PRORP: variants seen among roughly 807,000 people sequenced by gnomAD.
The protein encoded by PRORP is protein only RNase P catalytic subunit, also known as mitochondrial ribonuclease P catalytic subunit.
A neutral mutation model predicts 59.4 loss-of-function variants in PRORP; 51 were observed. The observed-to-expected ratio is 0.86, with a 90% CI of 0.69 to 1.08. The LOEUF is 1.08. Among genes scored for constraint, PRORP ranks in the 50% least tolerant of loss-of-function variants. The pLI, the probability that PRORP is intolerant of heterozygous loss-of-function variation, is 0.00. For missense variants in PRORP, 646 were observed against 690.3 expected, an observed-to-expected ratio of 0.94 and a Z score of 0.72; for synonymous variants, 231 against 245.6, an observed-to-expected ratio of 0.94 and a Z score of 0.55.
chr14:35,129,647 T>G (rs897167310), intron 4 of PRORP, among the ~76,000 whole-genome samples: 3 of 151,852 alleles, frequency 2.0e-5, no homozygotes, highest in African/African-American at 7.3e-5. Context: ...GCAAATTTTT[T>G]TTTTTGTATT....
At chr14:35,199,116 C>T (rs904433343) in intron 5 of PRORP, among the ~76,000 whole-genome samples, 10 of 151,924 alleles carry the variant, frequency 6.6e-5, no homozygotes, top group Admixed American at 4.6e-4. Context: ...TGCAGTGAGC[C>T]GAAATCGTGC....
rs1566535582 is a variant in PRORP, at chr14:35,262,881, G to C, written c.1276-3846G>C. Reference sequence around the variant, plus strand: ...TTGTTCAGTATCTCAAGCCCAGAAAGATGAATTAATCCTTGAAGGTAATGA... The same window carrying C: ...TTGTTCAGTATCTCAAGCCCAGAAACATGAATTAATCCTTGAAGGTAATGA... On this transcript the variant is annotated intron_variant, in intron 5 of 7. Transcript: ENST00000534898. 4.5e-6 allele frequency: 7 copies of C among 1,552,222 alleles called. No homozygotes were observed. The Admixed American group carries it at 1.2e-4, about 26-fold the overall frequency.
chr14:35,175,881 A>T (rs1165944057), intron 4 of PRORP, among the ~76,000 whole-genome samples: 3 of 152,190 alleles, frequency 2.0e-5, no homozygotes, highest in African/African-American at 7.2e-5. Flanking sequence ...TAGGTCTAAC[A>T]TTTAAGTCTT....
intron 4 of PRORP, among the ~76,000 whole-genome samples, chr14:35,162,730 C>T (rs921971253): frequency 1.3e-5 from 2 of 151,890 alleles, no homozygotes; most frequent in African/African-American, 2.4e-5. Context: ...GAAAAGCCAA[C>T]AAACACAAAA....
At chr14:35,211,984 G>A (rs976644825) in intron 5 of PRORP, among the ~76,000 whole-genome samples, 1 of 152,120 alleles carries the variant, frequency 6.6e-6, no homozygotes, top group African/African-American at 2.4e-5. Context: ...TAAACTTATG[G>A]AATATTCCAT....
intron 5 of PRORP, among the ~76,000 whole-genome samples, chr14:35,193,913 C>T (rs1486255438): frequency 6.6e-6 from 1 of 152,124 alleles, no homozygotes; most frequent in Non-Finnish European, 1.5e-5. Context: ...ACTTGGGTGT[C>T]TTATTCACAC....
chr14:35,207,855 A>G lies in PRORP; in HGVS notation c.1275+27078A>G, dbSNP rs369975561. On this transcript the variant is annotated intron_variant, in intron 5 of 7. Transcript: ENST00000534898. Reference sequence around the variant, plus strand: ...CACAATTACCTCTTCTTACTGACTTATATAAGATGTAACTGGCCGGGCGCG... The same window carrying G: ...CACAATTACCTCTTCTTACTGACTTGTATAAGATGTAACTGGCCGGGCGCG... Among the ~76,000 whole-genome samples, 4 of 152,224 alleles carry G rather than the reference A, an allele frequency of 2.6e-5. 1 individual carries two copies. The East Asian group carries it at 7.7e-4, about 29-fold the overall frequency.
upstream of PRORP, chr14:35,121,931 C>T: frequency 6.2e-7 from 1 of 1,614,168 alleles, no homozygotes; most frequent in Non-Finnish European, 8.5e-7. Context: ...CGTCGCTAGG[C>T]GCCGACGAAG....
At chr14:35,159,447 T>A (rs1461688947) in intron 4 of PRORP, among the ~76,000 whole-genome samples, 1 of 152,202 alleles carries the variant, frequency 6.6e-6, no homozygotes, top group Non-Finnish European at 1.5e-5. Context: ...TCCTTTGAAC[T>A]TGTAGCATTT....
chr14:35,242,568 T>A (rs975250257), intron 5 of PRORP, among the ~76,000 whole-genome samples: 1 of 152,216 alleles, frequency 6.6e-6, no homozygotes, highest in African/African-American at 2.4e-5. Flanking sequence ...GTGTGTATCT[T>A]TTAAGACTAT....
At position 35,136,889 on chromosome 14, in the gene PRORP, C is replaced by G. The variant is rs1253370899; in HGVS notation, c.1167+9278C>G. Among the ~76,000 whole-genome samples the G allele has an allele frequency of 6.2e-5, 9 of 145,450 alleles. 1 individual carries two copies. The highest frequency in any genetic ancestry group is 1.2e-4 in the Non-Finnish European group (8 of 65,470). On this transcript the variant is annotated intron_variant, in intron 4 of 7. Transcript: ENST00000534898. ...GGAACACCAGCATAGGAAGGAAGGT[C>G]AGAGAAGAAGTTTCATATATTAGAT...
At chr14:35,220,457 T>C (rs1031267405) in intron 5 of PRORP, among the ~76,000 whole-genome samples, 6 of 152,206 alleles carry the variant, frequency 3.9e-5, no homozygotes, top group African/African-American at 1.4e-4. Context: ...ACACATGCAC[T>C]GCCTCTCCAC....
At chr14:35,151,834 C>T (rs1291635264) in intron 4 of PRORP, among the ~76,000 whole-genome samples, 1 of 151,794 alleles carries the variant, frequency 6.6e-6, no homozygotes, top group Admixed American at 6.6e-5. Context: ...ATAATAGTTA[C>T]CATTTACTGA....
chr14:35,122,793 C>T (rs1032519182), intron 1 of PRORP, 158 bp downstream of exon 1: 6 of 171,710 alleles, frequency 3.5e-5, no homozygotes, highest in Admixed American at 5.4e-5. Context: ...CTTCGGCTTT[C>T]GCCGCTGTTG....
intron 4 of PRORP, among the ~76,000 whole-genome samples, chr14:35,151,472 C>G (rs1261138259): frequency 3.3e-5 from 5 of 152,060 alleles, no homozygotes. Context: ...TTCCCTATCT[C>G]AGTAAATACA....
intron 4 of PRORP, among the ~76,000 whole-genome samples, chr14:35,163,016 A>C (rs1391438397): frequency 6.6e-6 from 1 of 152,098 alleles, no homozygotes; most frequent in Non-Finnish European, 1.5e-5. Context: ...GTATGACACT[A>C]TTTTGATTAT....
At position 35,151,923 on chromosome 14, in the gene PRORP, T is replaced by C. The variant is rs1299044813; in HGVS notation, c.1167+24312T>C. ...CTAATTTTTTTTCTTCTTTTTTTTT[T>C]GTTAATCCATCTTTTTTTTTTTTTT... is the stretch of plus-strand genomic sequence containing the variant. On this transcript the variant is annotated intron_variant, in intron 4 of 7. Coordinates refer to ENST00000534898, the MANE Select transcript of PRORP (RefSeq NM_014672.4). Among the ~76,000 whole-genome samples the C allele has an allele frequency of 2.2e-4, 33 of 149,594 alleles. No individual in the cohort carries two copies. In the Admixed American group the frequency reaches 2.2e-3, roughly 10 times the overall value.
chr14:35,247,686 A>G (rs1258738628), intron 5 of PRORP, among the ~76,000 whole-genome samples: 1 of 152,180 alleles, frequency 6.6e-6, no homozygotes, highest in African/African-American at 2.4e-5. Context: ...ACCTTTTGAG[A>G]GTGGAAATTT....
At position 35,126,855 on chromosome 14, in the gene PRORP, A is replaced by G. The variant is rs973700703; in HGVS notation, c.1034+73A>G. On this transcript the variant is annotated intron_variant, in intron 3 of 7. Coordinates refer to ENST00000534898, the MANE Select transcript of PRORP (RefSeq NM_014672.4). ...GTTTTGTTGCTATTAATTGAAAAATATTTAAGAACACCTTAAGGGTAGGAT... is the reference window on the plus strand; with the variant it reads ...GTTTTGTTGCTATTAATTGAAAAATGTTTAAGAACACCTTAAGGGTAGGAT... 16 of 1,053,386 alleles carry G rather than the reference A, an allele frequency of 1.5e-5. No individual in the cohort carries two copies. In the African/African-American group the frequency reaches 2.5e-4, roughly 17 times the overall value. The allele number at this position is 1,053,386 out of a possible 1,614,324, so 65.3% of individuals were successfully genotyped here.
Sources: gnomAD v4.1 joint callset for allele counts (sites outside exome capture counted in the v4.1 genomes callset) on GRCh38, gnomAD v4.1.1 for gene constraint, MANE v1.5 for transcripts, NCBI Gene and HGNC (gene_info 2026-07-23, HGNC 2026-07-21) for gene names.